SMARCAD1: variants seen among roughly 807,000 people sequenced by gnomAD.
SMARCAD1 encodes the protein SWI/SNF-related matrix-associated actin-dependent regulator of chromatin subfamily A containing DEAD/H box 1.
A neutral mutation model predicts 127.1 loss-of-function variants in SMARCAD1; 25 were observed. That is an observed-to-expected ratio of 0.20 (90% CI 0.14 to 0.27). SMARCAD1 has a LOEUF of 0.27. SMARCAD1 is among the 10% of genes least tolerant of loss of function. SMARCAD1 has a pLI of 1.00. For synonymous variants in SMARCAD1, 400 were observed against 396.9 expected (o/e 1.01, Z -0.09); for missense variants, 807 against 1,206.0 (o/e 0.67, Z 4.90).
At chr4:94,209,033 A>G (rs1391212733) in intron 2 of SMARCAD1, among the ~76,000 whole-genome samples, 1 of 152,232 alleles carries the variant, frequency 6.6e-6, no homozygotes, top group Non-Finnish European at 1.5e-5. Context: ...ATCAGATCAC[A>G]TCAAGTTCTT....
Position 94,264,890 on chromosome 4 carries a change from T to A in SMARCAD1, c.1465T>A (p.Ser489Thr). Residue 489 changes from serine (S) to threonine (T), a missense_variant, in exon 10 of 24, where the codon TCC becomes ACC. By Grantham distance (58) the Ser-to-Thr change is moderately conservative (BLOSUM62 1). Transcript: ENST00000354268. ...NGGGWNIEQP[S>T]ILNQSLSLKP... ...AGGTGGATGGAACATAGAACAACCT[T>A]CCATTCTAAACCAAAGGTAATCTTT... 1 of 1,612,426 alleles carries A rather than the reference T, an allele frequency of 6.2e-7. No individual in the cohort carries two copies. The highest frequency in any genetic ancestry group is 8.5e-7 in the Non-Finnish European group (1 of 1,178,800).
chr4:94,230,734 C>T (rs1481440012), intron 3 of SMARCAD1, among the ~76,000 whole-genome samples: 1 of 152,076 alleles, frequency 6.6e-6, no homozygotes, highest in Non-Finnish European at 1.5e-5. Context: ...ATGCTAGAAA[C>T]TCTGGCAGTA....
chr4:94,246,352 C>A (rs1372157343), intron 6 of SMARCAD1, among the ~76,000 whole-genome samples: 4 of 152,076 alleles, frequency 2.6e-5, no homozygotes. Flanking sequence ...AACTCCTGAC[C>A]TCGTGATCCA....
Position 94,290,269 on chromosome 4 carries a change from A to C in SMARCAD1, c.*735A>C. 1 of 454,438 alleles carries C rather than the reference A, an allele frequency of 2.2e-6. No homozygotes were observed. The highest frequency in any genetic ancestry group is 4.4e-6 in the Non-Finnish European group (1 of 226,750). 28.2% of individuals were successfully genotyped at this position (454,438 alleles called of 1,614,324 possible). On this transcript the variant is annotated 3_prime_UTR_variant, in exon 24 of 24. Transcript: ENST00000354268. ...ACTAATTGTGCATATTACTCTGCCTAATCTTGTGCATGTTTTCATTGATTT... is the reference window on the plus strand; with the variant it reads ...ACTAATTGTGCATATTACTCTGCCTCATCTTGTGCATGTTTTCATTGATTT...
chr4:94,229,440 A>G (rs952477283), intron 3 of SMARCAD1, among the ~76,000 whole-genome samples: 4 of 152,052 alleles, frequency 2.6e-5, no homozygotes, highest in African/African-American at 9.7e-5. Flanking sequence ...ATTTAGTACT[A>G]TTATTATTCA....
chr4:94,223,215 C>T (rs1744434170), intron 2 of SMARCAD1, among the ~76,000 whole-genome samples: 1 of 152,050 alleles, frequency 6.6e-6, no homozygotes. Flanking sequence ...ATAAAGAGGG[C>T]CGGGCGTGGT....
intron 3 of SMARCAD1, among the ~76,000 whole-genome samples, chr4:94,228,486 C>G (rs1400050952): frequency 6.6e-6 from 1 of 152,120 alleles, no homozygotes; most frequent in Admixed American, 6.6e-5. Context: ...GTACTATTAT[C>G]TAATATACTT....
At position 94,252,675 on chromosome 4, in the gene SMARCAD1, C is replaced by A; in HGVS notation, c.949C>A (p.Gln317Lys). ...PNGKEVSSRS[Q>K]NYPKNATKTK... is the part of the protein sequence containing the mutation. The stretch of plus-strand genomic sequence containing the variant: ...TGGAAAAGAAGTTTCTTCAAGAAGT[C>A]AAAATTACCCTAAAAATGCAACTAA... The change falls in exon 9 of 24, where the codon CAA (glutamine) becomes AAA (lysine). Residue 317 changes from glutamine (Q) to lysine (K), a missense_variant. By Grantham distance (53) the Gln-to-Lys change is moderately conservative. Coordinates refer to ENST00000354268, the MANE Select transcript of SMARCAD1 (RefSeq NM_020159.5). The A allele has an allele frequency of 1.9e-6, 3 of 1,580,128 alleles. No individual in the cohort carries two copies. In the South Asian group the frequency reaches 3.6e-5, roughly 19 times the overall value.
chr4:94,235,664 G>A (rs1208617650), intron 4 of SMARCAD1, among the ~76,000 whole-genome samples: 1 of 145,836 alleles, frequency 6.9e-6, no homozygotes. Context: ...TTTTTTTGTG[G>A]AAACAAATGT....
intron 16 of SMARCAD1, 81 bp downstream of exon 16, chr4:94,277,240 G>T: frequency 6.7e-7 from 1 of 1,495,744 alleles, no homozygotes; most frequent in Non-Finnish European, 9.3e-7. Context: ...CTCTTTTGTT[G>T]TTTTCATAGT....
chr4:94,277,818 T>A (rs1029043079), intron 16 of SMARCAD1, among the ~76,000 whole-genome samples: 1 of 152,210 alleles, frequency 6.6e-6, no homozygotes, highest in African/African-American at 2.4e-5. Context: ...ATTTACTAAT[T>A]TGAATTCCCT....
chr4:94,272,590 A>G (rs1752692197), intron 11 of SMARCAD1, among the ~76,000 whole-genome samples: 1 of 152,144 alleles, frequency 6.6e-6, no homozygotes, highest in Non-Finnish European at 1.5e-5. Context: ...TATATGCAGT[A>G]TACTCTATAC....
intron 5 of SMARCAD1, among the ~76,000 whole-genome samples, chr4:94,237,860 GTTAT>G (rs1372713911): frequency 1.3e-5 from 2 of 152,010 alleles, no homozygotes; most frequent in Non-Finnish European, 1.5e-5. Context: ...AAAAATTTCT[GTTAT>G]TTATATAGGC....
In SMARCAD1 at chr4:94,207,896, C is replaced by T. The variant is rs563876653; in HGVS notation, c.-224C>T. ...ACTTCCGGGCGGATGCCCGCCAGCACGGCCTCCGCCGCTCCCCTTCTTTGG... is the reference window on the plus strand; with the variant it reads ...ACTTCCGGGCGGATGCCCGCCAGCATGGCCTCCGCCGCTCCCCTTCTTTGG... On this transcript the variant is annotated 5_prime_UTR_variant, in exon 1 of 24. It adds an upstream start codon to the 5' untranslated region. Transcript: ENST00000354268. 2 of 332,754 alleles carry T rather than the reference C, an allele frequency of 6.0e-6. No individual in the cohort carries two copies. Among genetic ancestry groups the T allele is most frequent in the South Asian group, 2.5e-5 (1 of 40,652 alleles). The allele number at this position is 332,754 out of a possible 1,614,324, so 20.6% of individuals were successfully genotyped here.
intron 14 of SMARCAD1, 109 bp downstream of exon 14, chr4:94,275,074 G>T: frequency 1.3e-6 from 1 of 797,884 alleles, no homozygotes; most frequent in Non-Finnish European, 2.2e-6. Flanking sequence ...ACTGTGATAC[G>T]AAAGTAATAG....
chr4:94,224,641 TAC>T (rs1174342299), intron 2 of SMARCAD1, among the ~76,000 whole-genome samples: 13 of 152,232 alleles, frequency 8.5e-5, no homozygotes, highest in African/African-American at 2.9e-4. Context: ...TATTTACAGA[TAC>T]AGCTCGTGAG....
In SMARCAD1 at chr4:94,214,784, T is replaced by C. The variant is rs1222195695; in HGVS notation, c.190+6200T>C. 2.6e-5 allele frequency among the ~76,000 whole-genome samples: 4 copies of C among 152,142 alleles called. No homozygotes were observed. In the East Asian group the frequency reaches 7.7e-4, roughly 29 times the overall value. On this transcript the variant is annotated intron_variant, in intron 2 of 23. Transcript: ENST00000354268. The stretch of plus-strand genomic sequence containing the variant: ...TGGCATTGGCGGAATGGAGGAAAGT[T>C]TTAGTATATGTTTGATGAATTTTTT...
chr4:94,214,005 T>C (rs1742727441), intron 2 of SMARCAD1, among the ~76,000 whole-genome samples: 1 of 152,106 alleles, frequency 6.6e-6, no homozygotes, highest in Non-Finnish European at 1.5e-5. Flanking sequence ...AAAATGATAG[T>C]GTCCTGGATA....
chr4:94,274,614 G>C, intron 12 of SMARCAD1, 124 bp from the exon 13 acceptor site: 1 of 940,736 alleles, frequency 1.1e-6, no homozygotes, highest in Admixed American at 1.8e-5. Context: ...ACCTTGCTGG[G>C]CCAGTATTTA....
Sources: gnomAD v4.1 joint callset for allele counts (sites outside exome capture counted in the v4.1 genomes callset) on GRCh38, gnomAD v4.1.1 for gene constraint, MANE v1.5 for transcripts, NCBI Gene and HGNC (gene_info 2026-07-23, HGNC 2026-07-21) for gene names.